The following LINGO2 variants were observed in gnomAD, a reference collection of about 807,000 sequenced individuals.
LINGO2 encodes leucine rich repeat and Ig domain containing 2.
A neutral mutation model predicts 30.6 loss-of-function variants in LINGO2; 14 were observed. The observed-to-expected ratio is 0.46, with a 90% CI of 0.30 to 0.72. The LOEUF (loss-of-function observed/expected upper bound fraction) is 0.72. Among genes scored for constraint, LINGO2 ranks in the 30% least tolerant of loss-of-function variants. The probability of loss-of-function intolerance (pLI) is 0.07; values close to 1 mark genes in which losing one functional copy is unlikely to be tolerated. For missense variants in LINGO2, 729 were observed against 751.7 expected (o/e 0.97, Z 0.35); for synonymous variants, 317 against 288.5 (o/e 1.10, Z -1.00).
intron 4 of LINGO2, among the ~76,000 whole-genome samples, chr9:28,072,146 C>CT (rs1825497454): frequency 6.6e-6 from 1 of 151,958 alleles, no homozygotes; most frequent in Non-Finnish European, 1.5e-5. Context: ...TCCTATTTTC[C>CT]TTTTTGTGTG....
the LINGO2 span, among the ~76,000 whole-genome samples, chr9:29,095,891 G>A: frequency 5.0e-5 from 7 of 138,738 alleles, 1 homozygote; most frequent in South Asian, 1.6e-3. Context: ...AAGAACTGCT[G>A]AGAGCTTGTG....
chr9:28,117,188 C>T (rs1348797578), intron 4 of LINGO2, among the ~76,000 whole-genome samples: 102 of 145,980 alleles, frequency 7.0e-4, no homozygotes, highest in Middle Eastern at 3.9e-3. Flanking sequence ...TGTCAGTGTG[C>T]CCCTGGTGGG....
At chr9:28,887,196 C>T in the LINGO2 span, among the ~76,000 whole-genome samples, 1 of 152,090 alleles carries the variant, frequency 6.6e-6, no homozygotes, top group East Asian at 1.9e-4. Flanking sequence ...AATAGATGCT[C>T]AATAGAGATG....
chr9:28,269,716 T>C (rs1267456928), intron 4 of LINGO2, among the ~76,000 whole-genome samples: 1 of 152,124 alleles, frequency 6.6e-6, no homozygotes, highest in Non-Finnish European at 1.5e-5. Context: ...AAGACTTTGC[T>C]AGATTATTTC....
intron 3 of LINGO2, among the ~76,000 whole-genome samples, chr9:28,339,223 G>A (rs1345897431): frequency 6.6e-6 from 1 of 152,020 alleles, no homozygotes; most frequent in Admixed American, 6.6e-5. Context: ...AATGGATTAT[G>A]TCTTTAATGG....
intron 1 of LINGO2, among the ~76,000 whole-genome samples, chr9:28,641,005 G>A (rs1222151985): frequency 6.6e-6 from 1 of 151,996 alleles, no homozygotes; most frequent in Admixed American, 6.6e-5. Flanking sequence ...TGGGGTTTTG[G>A]TGTGGATGTC....
At chr9:27,945,903 A>G (rs527887800), downstream of LINGO2, among the ~76,000 whole-genome samples, 10 of 152,162 alleles carry the variant, frequency 6.6e-5, no homozygotes, top group Non-Finnish European at 1.5e-4. Context: ...AAAAGTAGCC[A>G]ATTCCCCTGA....
chr9:28,404,727 T>G (rs2134766484), intron 2 of LINGO2, among the ~76,000 whole-genome samples: 1 of 152,300 alleles, frequency 6.6e-6, no homozygotes, highest in African/African-American at 2.4e-5. Context: ...GGCTTGACAA[T>G]CAGCTCTTTA....
At chr9:28,705,267 A>C in the LINGO2 span, among the ~76,000 whole-genome samples, 1 of 152,108 alleles carries the variant, frequency 6.6e-6, no homozygotes, top group Non-Finnish European at 1.5e-5. Context: ...GGTAAAAGAA[A>C]TTATAGTAAA....
intron 4 of LINGO2, among the ~76,000 whole-genome samples, chr9:28,192,444 C>T (rs1011955222): frequency 6.6e-5 from 10 of 152,202 alleles, no homozygotes; most frequent in Non-Finnish European, 1.0e-4. Context: ...GATGCCGTGC[C>T]TACCTAGATA....
the LINGO2 span, among the ~76,000 whole-genome samples, chr9:28,859,469 ACT>A: frequency 6.6e-6 from 1 of 152,044 alleles, no homozygotes; most frequent in Admixed American, 6.6e-5. Context: ...ACTTTTTAAA[ACT>A]CAGATTCCTC....
the LINGO2 span, among the ~76,000 whole-genome samples, chr9:29,117,842 T>A: frequency 6.6e-6 from 1 of 152,196 alleles, no homozygotes; most frequent in Admixed American, 6.5e-5. Flanking sequence ...TTCTATCAAC[T>A]TATAACTAGA....
intron 1 of LINGO2, among the ~76,000 whole-genome samples, chr9:28,605,920 A>G (rs1440360691): frequency 6.6e-6 from 1 of 152,066 alleles, no homozygotes; most frequent in Non-Finnish European, 1.5e-5. Flanking sequence ...CCCTTTAGGG[A>G]AAATCTTTGC....
chr9:28,003,331 A>C, intron 5 of LINGO2, among the ~76,000 whole-genome samples: 1 of 133,782 alleles, frequency 7.5e-6, no homozygotes, highest in South Asian at 2.4e-4. Flanking sequence ...AACCATATAG[A>C]TATATAGATA....
At chr9:28,851,211 C>T in the LINGO2 span, among the ~76,000 whole-genome samples, 11 of 152,120 alleles carry the variant, frequency 7.2e-5, no homozygotes, top group African/African-American at 2.6e-4. Context: ...GGGCTAAAAT[C>T]AAGGTGTTGA....
chr9:29,026,402 T>G, the LINGO2 span, among the ~76,000 whole-genome samples: 1 of 152,132 alleles, frequency 6.6e-6, no homozygotes, highest in East Asian at 1.9e-4. Context: ...TTATAAATGA[T>G]CCTTTGGTAA....
chr9:28,051,079 G>A lies in LINGO2; in HGVS notation c.-86-38674C>T, dbSNP rs560222488. Among the ~76,000 whole-genome samples the A allele has an allele frequency of 4.6e-5, 7 of 150,838 alleles. 1 individual carries two copies. In the South Asian group the frequency reaches 8.5e-4, roughly 18 times the overall value. On this transcript the variant is annotated intron_variant, in intron 4 of 5. Coordinates refer to ENST00000379992, the Ensembl canonical transcript of LINGO2. ...TTAGCTAACTCCTTTCTCCAAGGTC[G>A]TCTTCTCCTGCTTTCCTTTTCCTAC... is the stretch of plus-strand genomic sequence containing the variant.
the LINGO2 span, among the ~76,000 whole-genome samples, chr9:28,802,038 A>T: frequency 6.6e-6 from 1 of 151,834 alleles, no homozygotes; most frequent in African/African-American, 2.4e-5. Flanking sequence ...AAAGTTATGC[A>T]TAGCATATTT....
chr9:28,336,927 C>A (rs1030041369), intron 3 of LINGO2, among the ~76,000 whole-genome samples: 26 of 151,822 alleles, frequency 1.7e-4, no homozygotes, highest in African/African-American at 6.3e-4. Flanking sequence ...ACACATATCA[C>A]AGAATTATTT....
Sources: allele counts gnomAD v4.1 joint callset (sites outside exome capture counted in the v4.1 genomes callset), GRCh38; gene constraint gnomAD v4.1.1; transcripts MANE v1.5; gene names NCBI Gene and HGNC (gene_info 2026-07-23, HGNC 2026-07-21).